Variants in DIP2C observed in about 807,000 individuals in gnomAD.
The protein encoded by DIP2C is disco-interacting protein 2 homolog C.
A neutral mutation model predicts 192.4 loss-of-function variants in DIP2C; 33 were observed. That is an observed-to-expected ratio of 0.17 (90% CI 0.13 to 0.23). DIP2C has a LOEUF of 0.23. DIP2C is among the 10% of genes least tolerant of loss of function. The pLI is 1.00. For missense variants in DIP2C, 1,537 were observed against 2,110.1 expected, an observed-to-expected ratio of 0.73 and a Z score of 5.32; for synonymous variants, 979 against 864.1, an observed-to-expected ratio of 1.13 and a Z score of -2.33.
intron 1 of DIP2C, among the ~76,000 whole-genome samples, chr10:604,794 G>C (rs993312416): frequency 6.6e-6 from 1 of 152,170 alleles, no homozygotes; most frequent in East Asian, 1.9e-4. Flanking sequence ...CTATGACTTG[G>C]ATAAGCATGA....
At chr10:544,376 G>GC (rs1848169435) in intron 1 of DIP2C, among the ~76,000 whole-genome samples, 1 of 152,192 alleles carries the variant, frequency 6.6e-6, no homozygotes, top group Non-Finnish European at 1.5e-5. Flanking sequence ...TCACTGTTAC[G>GC]AATAATGCTG....
intron 2 of DIP2C, among the ~76,000 whole-genome samples, chr10:483,726 G>A (rs1211151081): frequency 6.6e-6 from 1 of 152,358 alleles, no homozygotes; most frequent in East Asian, 1.9e-4. Context: ...GAGGAGGAAC[G>A]CAGTGGAGGC....
At chr10:291,589 A>C (rs1314222725) in intron 32 of DIP2C, among the ~76,000 whole-genome samples, 1 of 152,228 alleles carries the variant, frequency 6.6e-6, no homozygotes, top group Non-Finnish European at 1.5e-5. Flanking sequence ...AACTCATAGA[A>C]ATGAAACCAG....
chr10:598,092 G>A (rs538618875), intron 1 of DIP2C, among the ~76,000 whole-genome samples: 1 of 152,354 alleles, frequency 6.6e-6, no homozygotes, highest in South Asian at 2.1e-4. Flanking sequence ...TGCAGGACAC[G>A]CGTGGACAAG....
chr10:576,122 TCTAA>T (rs1242790155), intron 1 of DIP2C, among the ~76,000 whole-genome samples: 7 of 152,184 alleles, frequency 4.6e-5, no homozygotes, highest in African/African-American at 7.2e-5. Flanking sequence ...TGACCAAGAA[TCTAA>T]CTACGCTGTC....
At chr10:332,492 T>A (rs1304805198) in intron 29 of DIP2C, among the ~76,000 whole-genome samples, 1 of 152,140 alleles carries the variant, frequency 6.6e-6, no homozygotes, top group South Asian at 2.1e-4. Context: ...TGCCCTTACC[T>A]CACTCAATAC....
At chr10:358,904 T>C (rs964297249) in intron 22 of DIP2C, among the ~76,000 whole-genome samples, 22 of 151,448 alleles carry the variant, frequency 1.5e-4, no homozygotes, top group African/African-American at 4.9e-4. Context: ...GAATTGCAGG[T>C]AAAATAACAA....
intron 1 of DIP2C, among the ~76,000 whole-genome samples, chr10:632,377 T>C (rs1299744080): frequency 0.033 from 2,640 of 79,342 alleles, no homozygotes; most frequent in Middle Eastern, 0.1. Flanking sequence ...CTGGAGACCA[T>C]GCGGGCACCG....
intron 1 of DIP2C, among the ~76,000 whole-genome samples, chr10:588,330 T>C (rs541627455): frequency 6.6e-6 from 1 of 152,240 alleles, no homozygotes; most frequent in Non-Finnish European, 1.5e-5. Context: ...GACTGTGTCC[T>C]GGGAACTTAA....
chr10:379,099 T>G (rs1693307310), intron 17 of DIP2C, among the ~76,000 whole-genome samples: 2 of 148,392 alleles, frequency 1.3e-5, no homozygotes, highest in Non-Finnish European at 3.0e-5. Flanking sequence ...CTGGGCAACC[T>G]GACAGAGGGC....
At position 277,144 on chromosome 10, in the gene DIP2C, A is replaced by T. The variant is rs1277085311; in HGVS notation, c.*181T>A. The T allele has an allele frequency of 2.3e-6, 2 of 853,388 alleles. No individual in the cohort carries two copies. Among genetic ancestry groups the T allele is most frequent in the African/African-American group, 3.4e-5 (2 of 58,622 alleles). The allele number at this position is 853,388 out of a possible 1,614,324, so 52.9% of individuals were successfully genotyped here. A position where few individuals can be genotyped will look rare whatever the true frequency, so the allele number is the denominator to read the frequency against. ...GAGCGAAATTCAGTGGTAAATTCAC[A>T]TTTCACCCCCATGCCAATCGTGGCT... On this transcript the variant is annotated 3_prime_UTR_variant, in exon 37 of 37. Coordinates refer to ENST00000280886, the MANE Select transcript of DIP2C (RefSeq NM_014974.3).
chr10:591,466 C>G (rs556326352), intron 1 of DIP2C, among the ~76,000 whole-genome samples: 66 of 152,292 alleles, frequency 4.3e-4, no homozygotes, highest in Non-Finnish European at 7.9e-4. Flanking sequence ...ACACCCACTC[C>G]CCTATTTTGT....
intron 32 of DIP2C, among the ~76,000 whole-genome samples, chr10:304,886 C>T (rs1368000793): frequency 6.6e-6 from 1 of 151,948 alleles, no homozygotes; most frequent in Non-Finnish European, 1.5e-5. Context: ...CACACACATG[C>T]ACACTCATAC....
intron 32 of DIP2C, among the ~76,000 whole-genome samples, chr10:291,037 A>G (rs761539679): frequency 1.3e-4 from 20 of 152,342 alleles, no homozygotes; most frequent in Non-Finnish European, 2.8e-4. Context: ...CAGGCTGTGC[A>G]GCATTCCCAG....
intron 2 of DIP2C, among the ~76,000 whole-genome samples, chr10:477,786 GAA>G (rs1026045062): frequency 9.5e-5 from 13 of 136,164 alleles, no homozygotes; most frequent in African/African-American, 2.5e-4. Flanking sequence ...GAAGGAGAGA[GAA>G]AGAAGGGAAG....
chr10:390,866 G>A lies in DIP2C; in HGVS notation c.1261-3C>T. 1.2e-6 allele frequency: 2 copies of A among 1,613,864 alleles called. No homozygotes were observed. The highest frequency in any genetic ancestry group is 2.2e-5 in the East Asian group (1 of 44,878). On this transcript the variant is annotated splice_polypyrimidine_tract_variant and splice_region_variant and intron_variant, in intron 10 of 36. Coordinates refer to ENST00000280886, the MANE Select transcript of DIP2C (RefSeq NM_014974.3). ...CCTATCTGCTGGCTCCCTGCGTCCT[G>A]AGAGGGCAACAGAGAGGAGTTGAGA...
chr10:592,121 T>A (rs1399451136), intron 1 of DIP2C, among the ~76,000 whole-genome samples: 1 of 152,220 alleles, frequency 6.6e-6, no homozygotes, highest in African/African-American at 2.4e-5. Flanking sequence ...TAATTAGACA[T>A]TCTCACATTT....
intron 3 of DIP2C, among the ~76,000 whole-genome samples, chr10:454,992 C>T (rs1969170738): frequency 6.6e-6 from 1 of 152,184 alleles, no homozygotes; most frequent in African/African-American, 2.4e-5. Context: ...GAGCTCCTGC[C>T]ATTTGCACCA....
rs1307271043 is a variant in DIP2C, at chr10:329,468, T to G, written c.3718A>C (p.Thr1240Pro). 1 of 1,614,116 alleles carries G rather than the reference T, an allele frequency of 6.2e-7. No individual in the cohort carries two copies. Among genetic ancestry groups the G allele is most frequent in the Non-Finnish European group, 8.5e-7 (1 of 1,179,998 alleles). ...TCTGTTTGCGAGCCCAGCCCCTTGG[T>G]GCACAGCTCCATCACGGAGTAGGAG... ...FCSYSVMELCTKGLGSQTESL... is the reference protein window; with the variant it reads ...FCSYSVMELCPKGLGSQTESL... Residue 1240 changes from threonine (T) to proline (P), a missense_variant, in exon 30 of 37, where the codon ACC becomes CCC. Coordinates refer to ENST00000280886, the MANE Select transcript of DIP2C (RefSeq NM_014974.3).
Sources: allele counts gnomAD v4.1 joint callset (sites outside exome capture counted in the v4.1 genomes callset), GRCh38; gene constraint gnomAD v4.1.1; transcripts MANE v1.5; gene names NCBI Gene and HGNC (gene_info 2026-07-23, HGNC 2026-07-21).